Variants in KCNIP4 observed in about 807,000 individuals in gnomAD.
KCNIP4 encodes the protein potassium voltage-gated channel interacting protein 4.
A neutral mutation model predicts 34.0 loss-of-function variants in KCNIP4; 12 were observed. The observed-to-expected ratio is 0.35, with a 90% CI of 0.23 to 0.57. KCNIP4 has a LOEUF of 0.57. Among genes scored for constraint, KCNIP4 ranks in the 20% least tolerant of loss-of-function variants. KCNIP4 has a pLI of 0.83. For missense variants in KCNIP4, 238 were observed against 311.7 expected (o/e 0.76, Z 1.78); for synonymous variants, 124 against 102.2 (o/e 1.21, Z -1.29).
intron 1 of KCNIP4, among the ~76,000 whole-genome samples, chr4:21,719,365 G>A (rs1040295416): frequency 1.3e-5 from 2 of 152,094 alleles, no homozygotes; most frequent in Admixed American, 6.6e-5. Flanking sequence ...GCTAACAGAC[G>A]TTGCATAGAG....
chr4:20,894,712 T>A (rs754553923), intron 1 of KCNIP4, among the ~76,000 whole-genome samples: 5 of 152,214 alleles, frequency 3.3e-5, no homozygotes, highest in South Asian at 2.1e-4. Context: ...TATTTGGCAC[T>A]GGCAAAAACA....
In KCNIP4 at chr4:21,667,996, T is replaced by C. The variant is rs111639484; in HGVS notation, c.61+280575A>G. Among the ~76,000 whole-genome samples, 777 of 152,244 alleles carry C rather than the reference T, an allele frequency of 5.1e-3. 4 individuals are homozygous for C. The highest frequency in any genetic ancestry group is 0.018 in the African/African-American group (729 of 41,532). The stretch of plus-strand genomic sequence containing the variant: ...CACTCCAATCAATGCCTGTCAATAA[T>C]AGACTGGATAAAGAAAATGTGGTAC... On this transcript the variant is annotated intron_variant, in intron 1 of 8. Coordinates refer to ENST00000382152, the MANE Select transcript of KCNIP4 (RefSeq NM_025221.6).
chr4:21,017,148 C>A (rs947756703), intron 1 of KCNIP4, among the ~76,000 whole-genome samples: 1 of 152,140 alleles, frequency 6.6e-6, no homozygotes, highest in Non-Finnish European at 1.5e-5. Context: ...CAAATAAGTT[C>A]ATCTTCATCC....
intron 1 of KCNIP4, among the ~76,000 whole-genome samples, chr4:20,933,633 G>A (rs1017586196): frequency 2.6e-5 from 4 of 151,506 alleles, no homozygotes; most frequent in Non-Finnish European, 5.9e-5. Context: ...ATTAGTAAAT[G>A]TTCAAAATAT....
chr4:21,567,206 C>A (rs967043592), intron 1 of KCNIP4, among the ~76,000 whole-genome samples: 1 of 151,896 alleles, frequency 6.6e-6, no homozygotes, highest in African/African-American at 2.4e-5. Context: ...TTAGCAAGTA[C>A]CCAATTTAAT....
chr4:21,531,156 C>A (rs1736636561), intron 1 of KCNIP4, among the ~76,000 whole-genome samples: 1 of 152,156 alleles, frequency 6.6e-6, no homozygotes, highest in Non-Finnish European at 1.5e-5. Flanking sequence ...CCTGCTCTTT[C>A]AGCTTGCAAG....
chr4:20,750,326 G>A (rs1184047467), intron 4 of KCNIP4, among the ~76,000 whole-genome samples: 1 of 152,114 alleles, frequency 6.6e-6, no homozygotes, highest in African/African-American at 2.4e-5. Context: ...TAGCCCACAG[G>A]CAGTAAAGTT....
At chr4:21,715,929 T>C (rs183360700) in intron 1 of KCNIP4, among the ~76,000 whole-genome samples, 250 of 152,308 alleles carry the variant, frequency 1.6e-3, no homozygotes, top group Non-Finnish European at 2.6e-3. Flanking sequence ...GTCAGTCATT[T>C]ATTAGGGAAG....
chr4:20,734,127 A>C (rs1382259529), intron 6 of KCNIP4, among the ~76,000 whole-genome samples: 1 of 152,088 alleles, frequency 6.6e-6, no homozygotes, highest in Non-Finnish European at 1.5e-5. Flanking sequence ...CTGTGTTTTA[A>C]ATTGGTTTAA....
chr4:21,941,858 A>G (rs1333807642), intron 1 of KCNIP4, among the ~76,000 whole-genome samples: 1 of 152,230 alleles, frequency 6.6e-6, no homozygotes, highest in Admixed American at 6.5e-5. Flanking sequence ...ATTTATATCC[A>G]TGTTCAAATT....
intron 3 of KCNIP4, among the ~76,000 whole-genome samples, chr4:20,795,345 A>G (rs1284307703): frequency 6.6e-6 from 1 of 152,184 alleles, no homozygotes; most frequent in East Asian, 1.9e-4. Context: ...TCAAGTGGCT[A>G]TAAATGTATT....
In KCNIP4 at chr4:21,487,492, T is replaced by C. The variant is rs574484490; in HGVS notation, c.61+461079A>G. 7.1e-4 allele frequency among the ~76,000 whole-genome samples: 104 copies of C among 146,934 alleles called. 2 individuals carry two copies. The highest frequency in any genetic ancestry group is 4.3e-3 in the Admixed American group (61 of 14,338). On this transcript the variant is annotated intron_variant, in intron 1 of 8. Coordinates refer to ENST00000382152, the MANE Select transcript of KCNIP4 (RefSeq NM_025221.6). ...TTTGCCATGCTACTCCACTGTAAAGTCATTCTTTTTTATCCTCCCTTTCCA... is the reference window on the plus strand; with the variant it reads ...TTTGCCATGCTACTCCACTGTAAAGCCATTCTTTTTTATCCTCCCTTTCCA...
intron 1 of KCNIP4, among the ~76,000 whole-genome samples, chr4:21,328,467 T>A (rs1715306643): frequency 6.6e-6 from 1 of 151,412 alleles, no homozygotes; most frequent in Non-Finnish European, 1.5e-5. Flanking sequence ...GGGGGTGGAG[T>A]GACACAAGCA....
At chr4:21,863,699 G>C (rs1158893322) in intron 1 of KCNIP4, among the ~76,000 whole-genome samples, 2 of 151,898 alleles carry the variant, frequency 1.3e-5, no homozygotes, top group Non-Finnish European at 2.9e-5. Context: ...GTAGAAAGGA[G>C]AAAAAAGGGA....
chr4:21,092,183 T>A (rs1342275584), intron 1 of KCNIP4, among the ~76,000 whole-genome samples: 1 of 152,112 alleles, frequency 6.6e-6, no homozygotes. Context: ...TCCCAAGCAT[T>A]CCTTAAAGAT....
chr4:20,787,802 A>C (rs1712203410), intron 3 of KCNIP4, among the ~76,000 whole-genome samples: 1 of 152,034 alleles, frequency 6.6e-6, no homozygotes, highest in African/African-American at 2.4e-5. Context: ...TTCCAGCATA[A>C]TTTATTTTTA....
At chr4:21,365,537 GA>G (rs1560332561) in intron 1 of KCNIP4, among the ~76,000 whole-genome samples, 22 of 18,836 alleles carry the variant, frequency 1.2e-3, no homozygotes, top group Non-Finnish European at 2.2e-3. Flanking sequence ...AATAAAGAAA[GA>G]AAAGAAAAAG....
At chr4:21,441,703 C>T (rs1216202506) in intron 1 of KCNIP4, among the ~76,000 whole-genome samples, 1 of 152,184 alleles carries the variant, frequency 6.6e-6, no homozygotes, top group Non-Finnish European at 1.5e-5. Context: ...TTCAAATCTA[C>T]TGCACATTCC....
intron 1 of KCNIP4, among the ~76,000 whole-genome samples, chr4:21,079,124 T>C (rs1745779957): frequency 6.6e-6 from 1 of 152,032 alleles, no homozygotes; most frequent in Non-Finnish European, 1.5e-5. Context: ...TTTTTCAGCT[T>C]TCTCAGTGTT....
Sources: allele counts gnomAD v4.1 joint callset (sites outside exome capture counted in the v4.1 genomes callset), GRCh38; gene constraint gnomAD v4.1.1; transcripts MANE v1.5; gene names NCBI Gene and HGNC (gene_info 2026-07-23, HGNC 2026-07-21).